The following DNAH8 variants were observed in gnomAD, a reference collection of about 807,000 sequenced individuals.
The protein encoded by DNAH8 is dynein axonemal heavy chain 8, also known as axonemal beta dynein heavy chain 8.
DNAH8 carries 382 observed loss-of-function variants against 562.1 expected under a neutral mutation model. The ratio of observed to expected loss-of-function variants is 0.68; its 90% CI spans 0.63 to 0.74. The LOEUF (loss-of-function observed/expected upper bound fraction) is 0.74, where lower values mean the gene tolerates loss of function less well. Among genes scored for constraint, DNAH8 ranks in the 30% least tolerant of loss-of-function variants. The pLI, the probability that DNAH8 is intolerant of heterozygous loss-of-function variation, is 0.00. For missense variants in DNAH8, 5,203 were observed against 5,620.4 expected (o/e 0.93, Z 2.37); for synonymous variants, 1,881 against 1,919.4 (o/e 0.98, Z 0.52).
intron 67 of DNAH8, among the ~76,000 whole-genome samples, chr6:38,914,392 CTTTTTT>C (rs66765653): frequency 3.1e-5 from 2 of 63,988 alleles, no homozygotes; most frequent in African/African-American, 6.8e-5. Flanking sequence ...TGCTTTTTCT[CTTTTTT>C]TTTTTTTTTT....
Position 38,874,086 on chromosome 6 carries a change from TTCTTTCTTTC to T in DNAH8, c.7620+718_7620+727del, listed in dbSNP as rs1561797564. On this transcript the variant is annotated intron_variant, in intron 52 of 92. Transcript: ENST00000327475. ...TCTTTCTTTTTCTTTCTTTCTTTCT[TTCTTTCTTTC>T]TCTTTCTCCTTCCTTCCTTCCTCCT... 1.3e-3 allele frequency among the ~76,000 whole-genome samples: 160 copies of T among 125,376 alleles called. 36 individuals carry two copies. The highest frequency in any genetic ancestry group is 4.6e-3 in the African/African-American group (154 of 33,712). 82.3% of individuals were successfully genotyped at this position (125,376 alleles called of 152,430 possible). A position where few individuals can be genotyped will look rare whatever the true frequency, so the allele number is the denominator to read the frequency against.
rs757770092 is a variant in DNAH8, at chr6:38,913,838, T to C, written c.9860-11T>C. On this transcript the variant is annotated splice_polypyrimidine_tract_variant and intron_variant, in intron 66 of 92. Coordinates refer to ENST00000327475, the MANE Select transcript of DNAH8 (RefSeq NM_001206927.2). The stretch of plus-strand genomic sequence containing the variant: ...TACTCAGTAAAGGTATATATGTGTG[T>C]ATTTGTAAAGGTCTTGATAAACTAA... 6.3e-7 allele frequency: 1 copy of C among 1,599,624 alleles called. No homozygotes were observed. The highest frequency in any genetic ancestry group is 8.6e-7 in the Non-Finnish European group (1 of 1,167,426).
chr6:38,853,934 C>T (rs1775971285), intron 41 of DNAH8, among the ~76,000 whole-genome samples: 1 of 151,970 alleles, frequency 6.6e-6, no homozygotes, highest in Non-Finnish European at 1.5e-5. Flanking sequence ...ACAGTTTCTA[C>T]TAAATGCATA....
In DNAH8 at chr6:39,012,376, T is replaced by G. The variant is rs1316465389; in HGVS notation, c.13524+9T>G. On this transcript the variant is annotated intron_variant, in intron 90 of 92. Coordinates refer to ENST00000327475, the MANE Select transcript of DNAH8 (RefSeq NM_001206927.2). ...CAATCATTATGAGTGAGGTGAGCTG[T>G]TATTACATCAGTAGGCATTTCCTTC... 4.3e-6 allele frequency: 7 copies of G among 1,610,136 alleles called. No individual in the cohort carries two copies. In the Admixed American group the frequency reaches 1.2e-4, roughly 27 times the overall value.
At chr6:38,949,840 CT>C (rs770467206) in intron 81 of DNAH8, among the ~76,000 whole-genome samples, 1 of 152,094 alleles carries the variant, frequency 6.6e-6, no homozygotes, top group Non-Finnish European at 1.5e-5. Flanking sequence ...AATGATAGTG[CT>C]TTTAGCAAAA....
chr6:38,755,103 A>G (rs1765791135), intron 9 of DNAH8, among the ~76,000 whole-genome samples: 1 of 152,056 alleles, frequency 6.6e-6, no homozygotes, highest in African/African-American at 2.4e-5. Context: ...GTTTACCTTA[A>G]CAGGGAGGAC....
chr6:38,976,063 C>G (rs1413506872), intron 85 of DNAH8, among the ~76,000 whole-genome samples: 2 of 152,180 alleles, frequency 1.3e-5, no homozygotes, highest in Non-Finnish European at 2.9e-5. Context: ...ATTTTCACTG[C>G]TAGGGCGGTG....
intron 21 of DNAH8, among the ~76,000 whole-genome samples, chr6:38,796,300 G>GCC (rs1770245389): frequency 6.6e-6 from 1 of 152,062 alleles, no homozygotes; most frequent in Non-Finnish European, 1.5e-5. Context: ...TGGCTGGGCA[G>GCC]CCCCCTCACT....
intron 21 of DNAH8, among the ~76,000 whole-genome samples, chr6:38,793,307 C>T (rs1275255691): frequency 6.6e-6 from 1 of 152,124 alleles, no homozygotes; most frequent in African/African-American, 2.4e-5. Context: ...GTGTGAGCCA[C>T]CTTGCCTGTG....
chr6:38,925,314 ATTTTATTTTATTTTATTTTATTTTATT>A (rs1782028675), intron 73 of DNAH8, among the ~76,000 whole-genome samples: 4 of 142,462 alleles, frequency 2.8e-5, no homozygotes, highest in African/African-American at 1.1e-4. Context: ...ATTTTATTTT[ATTTTATTTTATTTTATTTTATTTTATT>A]TTATTTTTTT....
chr6:39,023,309 A>G (rs1012111027), intron 91 of DNAH8, among the ~76,000 whole-genome samples: 2 of 152,072 alleles, frequency 1.3e-5, no homozygotes, highest in African/African-American at 4.8e-5. Flanking sequence ...TGGCTAACAC[A>G]GTGAAACCCC....
At chr6:38,742,463 G>A (rs558237948) in intron 8 of DNAH8, among the ~76,000 whole-genome samples, 6 of 151,604 alleles carry the variant, frequency 4.0e-5, no homozygotes, top group Admixed American at 6.6e-5. Flanking sequence ...CACCACGCCC[G>A]GCTAATTTTT....
intron 10 of DNAH8, among the ~76,000 whole-genome samples, chr6:38,756,971 CA>C (rs1377526131): frequency 6.6e-6 from 1 of 152,028 alleles, no homozygotes; most frequent in Non-Finnish European, 1.5e-5. Flanking sequence ...AATAGTGCCG[CA>C]ATAAACATAC....
intron 88 of DNAH8, among the ~76,000 whole-genome samples, chr6:38,993,412 T>G (rs576159410): frequency 7.9e-4 from 119 of 151,124 alleles, no homozygotes; most frequent in Non-Finnish European, 1.3e-3. Flanking sequence ...TAGTTATGTT[T>G]ATTTGTTTCT....
At position 38,834,568 on chromosome 6, in the gene DNAH8, C is replaced by T. The variant is rs749701786; in HGVS notation, c.4303-11C>T. ...TAAGAATGAAAATGGAGATTATATT[C>T]TTCCTTACAGGAAGGACCTATGGTT... On this transcript the variant is annotated splice_polypyrimidine_tract_variant and intron_variant, in intron 31 of 92. Coordinates refer to ENST00000327475, the MANE Select transcript of DNAH8 (RefSeq NM_001206927.2). 8.4e-6 allele frequency: 13 copies of T among 1,556,596 alleles called. No homozygotes were observed. Among genetic ancestry groups the T allele is most frequent in the Non-Finnish European group, 1.0e-5 (12 of 1,145,768 alleles).
At chr6:38,980,407 C>T (rs1763949700) in intron 85 of DNAH8, among the ~76,000 whole-genome samples, 1 of 152,214 alleles carries the variant, frequency 6.6e-6, no homozygotes, top group Non-Finnish European at 1.5e-5. Context: ...CCAAGGCTCC[C>T]ACCCTTGCAC....
chr6:38,971,498 G>A, intron 82 of DNAH8, 94 bp from the exon 83 acceptor site: 1 of 628,254 alleles, frequency 1.6e-6, no homozygotes, highest in South Asian at 4.2e-5. Context: ...AGAAACAATA[G>A]AAGGAGGCTA....
intron 80 of DNAH8, among the ~76,000 whole-genome samples, chr6:38,947,209 C>A (rs1428190235): frequency 2.6e-5 from 4 of 152,198 alleles, no homozygotes; most frequent in African/African-American, 9.6e-5. Flanking sequence ...CTTACACCAC[C>A]GATTGGGCCA....
chr6:38,909,419 C>A, intron 64 of DNAH8, 99 bp from the exon 65 acceptor site: 1 of 1,041,472 alleles, frequency 9.6e-7, no homozygotes, highest in Non-Finnish European at 1.5e-6. Flanking sequence ...ATTTTCAAAT[C>A]TGTGATGTCA....
Sources: gnomAD v4.1 joint callset for allele counts (sites outside exome capture counted in the v4.1 genomes callset) on GRCh38, gnomAD v4.1.1 for gene constraint, MANE v1.5 for transcripts, NCBI Gene and HGNC (gene_info 2026-07-23, HGNC 2026-07-21) for gene names.